The following RAPGEF2 variants were observed in gnomAD, a reference collection of about 807,000 sequenced individuals.
RAPGEF2 encodes the protein PDZ domain containing guanine nucleotide exchange factor (GEF) 1.
RAPGEF2 carries 54 observed loss-of-function variants against 186.7 expected under a neutral mutation model. The ratio of observed to expected loss-of-function variants is 0.29; its 90% CI spans 0.23 to 0.36. The LOEUF is 0.36. RAPGEF2 is among the 10% of genes least tolerant of loss of function. The pLI is 1.00. For missense variants in RAPGEF2, 1,532 were observed against 2,045.0 expected (o/e 0.75, Z 4.84); for synonymous variants, 712 against 705.9 (o/e 1.01, Z -0.14).
chr4:159,140,209 G>T (rs1168193220), intron 1 of RAPGEF2, among the ~76,000 whole-genome samples: 2 of 152,132 alleles, frequency 1.3e-5, no homozygotes, highest in East Asian at 3.8e-4. Context: ...TTTCCATTTT[G>T]GGTAGAAATA....
chr4:159,355,361 C>T (rs183227896), intron 28 of RAPGEF2, among the ~76,000 whole-genome samples: 3 of 151,960 alleles, frequency 2.0e-5, no homozygotes, highest in East Asian at 3.8e-4. Flanking sequence ...TCTTGAGACC[C>T]GAGAGTGATG....
At chr4:159,315,749 G>A (rs931447713) in intron 9 of RAPGEF2, among the ~76,000 whole-genome samples, 6 of 152,314 alleles carry the variant, frequency 3.9e-5, no homozygotes, top group South Asian at 2.1e-4. Context: ...GAGAAAGACA[G>A]CTAATGCCAT....
intron 1 of RAPGEF2, among the ~76,000 whole-genome samples, chr4:159,172,934 A>C (rs1020162552): frequency 2.6e-5 from 4 of 152,148 alleles, no homozygotes; most frequent in African/African-American, 9.7e-5. Flanking sequence ...TGGATAAACT[A>C]TTCCTCTTCT....
At chr4:159,154,942 A>G (rs1053950685) in intron 1 of RAPGEF2, among the ~76,000 whole-genome samples, 3 of 152,204 alleles carry the variant, frequency 2.0e-5, no homozygotes, top group Non-Finnish European at 2.9e-5. Flanking sequence ...AATCAGTTGT[A>G]TAACCTATTA....
At position 159,348,241 on chromosome 4, in the gene RAPGEF2, T is replaced by TGG. The variant is rs1435319621; in HGVS notation, c.3712+1243_3712+1244insGG. Among the ~76,000 whole-genome samples, 247 of 125,710 alleles carry TGG rather than the reference T, an allele frequency of 2.0e-3. 1 individual carries two copies. Among genetic ancestry groups the TGG allele is most frequent in the South Asian group, 8.3e-3 (29 of 3,498 alleles). 82.5% of individuals were successfully genotyped at this position (125,710 alleles called of 152,430 possible). On this transcript the variant is annotated intron_variant, in intron 25 of 29. Coordinates refer to ENST00000691494, the MANE Select transcript of RAPGEF2 (RefSeq NM_001394067.2). ...GTCGATAGATAGATAGATAGATAGA[T>TGG]AGATGGATGGATGGATGGATGGATG... is the stretch of plus-strand genomic sequence containing the variant.
At chr4:159,211,860 G>T (rs941129057) in intron 4 of RAPGEF2, among the ~76,000 whole-genome samples, 1 of 152,182 alleles carries the variant, frequency 6.6e-6, no homozygotes, top group African/African-American at 2.4e-5. Flanking sequence ...GCTTGTTTCT[G>T]TAGTAGCAAT....
At chr4:159,236,163 C>G (rs1423723745) in intron 4 of RAPGEF2, among the ~76,000 whole-genome samples, 1 of 152,212 alleles carries the variant, frequency 6.6e-6, no homozygotes, top group African/African-American at 2.4e-5. Context: ...GCAGTTTCTC[C>G]TGTTCACATC....
intron 1 of RAPGEF2, among the ~76,000 whole-genome samples, chr4:159,119,170 T>G (rs1481205500): frequency 6.6e-6 from 1 of 152,086 alleles, no homozygotes; most frequent in Non-Finnish European, 1.5e-5. Flanking sequence ...AATCTAAAGG[T>G]AGACAGTGCA....
At chr4:159,121,074 T>C (rs1235963241) in intron 1 of RAPGEF2, among the ~76,000 whole-genome samples, 1 of 152,106 alleles carries the variant, frequency 6.6e-6, no homozygotes, top group Non-Finnish European at 1.5e-5. Context: ...AGGTTGATCT[T>C]GAACTCCATC....
At chr4:159,208,170 T>G (rs1292077144) in intron 3 of RAPGEF2, among the ~76,000 whole-genome samples, 1 of 152,230 alleles carries the variant, frequency 6.6e-6, no homozygotes, top group Non-Finnish European at 1.5e-5. Context: ...GCTGATTCAC[T>G]TTGGAAGTAG....
rs1386754001 is a variant in RAPGEF2, at chr4:159,295,754, T to TGTGC, written c.544-8587_544-8586insTGCG. 3.1e-3 allele frequency among the ~76,000 whole-genome samples: 348 copies of TGTGC among 113,968 alleles called. 2 individuals carry two copies. The highest frequency in any genetic ancestry group is 4.8e-3 in the African/African-American group (164 of 34,396). The allele number at this position is 113,968 out of a possible 152,430, so 74.8% of individuals were successfully genotyped here. On this transcript the variant is annotated intron_variant, in intron 7 of 29. Transcript: ENST00000691494. Reference sequence around the variant, plus strand: ...GTGTGTGTGTGTGTGTGTGTGTGTGTGCGCGCGCGCGCGCGCGCGCATGCA... The same window carrying TGTGC: ...GTGTGTGTGTGTGTGTGTGTGTGTGTGTGCGCGCGCGCGCGCGCGCGCGCATGCA...
At position 159,358,776 on chromosome 4, in the gene RAPGEF2, T is replaced by G. The variant is rs1732402155; in HGVS notation, c.*637T>G. ...CCTTAAGTAGGGTTGCCAGCCTGGT[T>G]TCTGAAAAACCAAATATGCCGGACA... is the stretch of plus-strand genomic sequence containing the variant. On this transcript the variant is annotated 3_prime_UTR_variant, in exon 30 of 30. Transcript: ENST00000691494. 6.6e-6 allele frequency: 1 copy of G among 152,230 alleles called. No homozygotes were observed. Among genetic ancestry groups the G allele is most frequent in the African/African-American group, 2.4e-5 (1 of 41,450 alleles). 9.4% of individuals were successfully genotyped at this position (152,230 alleles called of 1,614,324 possible).
chr4:159,250,269 G>T (rs943740752), intron 7 of RAPGEF2, among the ~76,000 whole-genome samples: 4 of 151,988 alleles, frequency 2.6e-5, no homozygotes, highest in African/African-American at 9.7e-5. Context: ...CACCACTAAA[G>T]AACTTACTTA....
chr4:159,252,109 C>G (rs1422292170), intron 7 of RAPGEF2, among the ~76,000 whole-genome samples: 1 of 152,096 alleles, frequency 6.6e-6, no homozygotes, highest in East Asian at 1.9e-4. Context: ...TTGAAGTCAG[C>G]CAGACCAAGA....
At chr4:159,127,738 TAG>T (rs1304112617) in intron 1 of RAPGEF2, among the ~76,000 whole-genome samples, 3 of 150,764 alleles carry the variant, frequency 2.0e-5, no homozygotes, top group Admixed American at 2.0e-4. Context: ...CTCATAGTAA[TAG>T]AATAAGAATA....
At chr4:159,338,992 G>A (rs1767858219) in intron 18 of RAPGEF2, 122 bp from the exon 19 acceptor site, 2 of 1,161,190 alleles carry the variant, frequency 1.7e-6, no homozygotes, top group Admixed American at 2.3e-5. Context: ...CCTAGAGTAA[G>A]GGAGAGGTAA....
intron 7 of RAPGEF2, among the ~76,000 whole-genome samples, chr4:159,272,871 G>A (rs535604344): frequency 6.6e-6 from 1 of 152,312 alleles, no homozygotes; most frequent in South Asian, 2.1e-4. Flanking sequence ...ATGCAGCAAA[G>A]GAGTGTAACC....
intron 1 of RAPGEF2, among the ~76,000 whole-genome samples, chr4:159,145,817 A>G (rs1222982490): frequency 1.3e-5 from 2 of 152,220 alleles, no homozygotes; most frequent in Non-Finnish European, 1.5e-5. Flanking sequence ...ATCAGGTGCC[A>G]TGTGGATTGG....
chr4:159,305,064 T>A (rs575661118), intron 8 of RAPGEF2, among the ~76,000 whole-genome samples: 1 of 152,318 alleles, frequency 6.6e-6, no homozygotes, highest in South Asian at 2.1e-4. Flanking sequence ...TGTACTGTAC[T>A]TTATTCTGTC....
Sources: gnomAD v4.1 joint callset for allele counts (sites outside exome capture counted in the v4.1 genomes callset) on GRCh38, gnomAD v4.1.1 for gene constraint, MANE v1.5 for transcripts, NCBI Gene and HGNC (gene_info 2026-07-23, HGNC 2026-07-21) for gene names.